Variants in FOXP1 observed in about 807,000 individuals in gnomAD.
FOXP1 encodes forkhead box protein P1.
In FOXP1, 15 loss-of-function variants were observed where a neutral mutation model predicts 98.2. That is an observed-to-expected ratio of 0.15 (90% CI 0.10 to 0.24). The LOEUF (loss-of-function observed/expected upper bound fraction) is 0.24. Ranked by LOEUF, FOXP1 falls within the 10% of genes least tolerant of loss-of-function variation. FOXP1 has a pLI of 1.00. For synonymous variants in FOXP1, 371 were observed against 314.5 expected (o/e 1.18, Z -1.90); for missense variants, 633 against 848.5 (o/e 0.75, Z 3.15).
chr3:71,029,282 G>A lies in FOXP1; in HGVS notation c.869+12046C>T, dbSNP rs375673037. Among the ~76,000 whole-genome samples the A allele has an allele frequency of 1.2e-4, 18 of 152,318 alleles. No homozygotes were observed. In the East Asian group the frequency reaches 1.5e-3, roughly 13 times the overall value. On this transcript the variant is annotated intron_variant, in intron 11 of 20. Transcript: ENST00000649528. ...TGCTGGGTGATGGGGATGTGGCAAT[G>A]GACAAGAGAGTTAAAACCTTTCCCT...
intron 4 of FOXP1, among the ~76,000 whole-genome samples, chr3:71,325,624 G>A (rs1452591256): frequency 6.6e-6 from 1 of 151,110 alleles, no homozygotes; most frequent in East Asian, 1.9e-4. Context: ...CATATTAAGG[G>A]CCTATAAAGA....
At chr3:71,307,417 C>A (rs970471744) in intron 4 of FOXP1, among the ~76,000 whole-genome samples, 3 of 152,312 alleles carry the variant, frequency 2.0e-5, no homozygotes, top group East Asian at 1.9e-4. Context: ...ACCCAAAACT[C>A]ATTTCAAACA....
intron 1 of FOXP1, chr3:71,582,129 C>T: frequency 1.0e-6 from 1 of 984,024 alleles, no homozygotes; most frequent in South Asian, 4.7e-5. Flanking sequence ...GGGGGGCATG[C>T]GACTTTGTTT....
intron 12 of FOXP1, among the ~76,000 whole-genome samples, chr3:71,010,798 C>T (rs981973628): frequency 6.6e-6 from 1 of 151,988 alleles, no homozygotes; most frequent in Non-Finnish European, 1.5e-5. Flanking sequence ...GAGCAAAGTA[C>T]TTGATGCATC....
chr3:71,042,739 A>G lies in FOXP1; in HGVS notation c.665-1207T>C, dbSNP rs183602158. Among the ~76,000 whole-genome samples the G allele has an allele frequency of 2.4e-3, 360 of 152,294 alleles. 13 individuals are homozygous for G. Among genetic ancestry groups the G allele is most frequent in the Admixed American group, 0.023 (349 of 15,274 alleles). ...CTTACCAAACCTAAGGTATCGAATT[A>G]AAAAAGAAGGCTGTGTGCATTATAT... On this transcript the variant is annotated intron_variant, in intron 10 of 20. Coordinates refer to ENST00000649528, the MANE Select transcript of FOXP1 (RefSeq NM_001349338.3).
chr3:71,229,204 G>A (rs2066087438), intron 5 of FOXP1, among the ~76,000 whole-genome samples: 1 of 152,052 alleles, frequency 6.6e-6, no homozygotes, highest in Admixed American at 6.5e-5. Flanking sequence ...TTGCAGACAG[G>A]TAGCCATAAT....
chr3:71,535,166 C>G (rs1451239077), intron 2 of FOXP1, among the ~76,000 whole-genome samples: 1 of 152,180 alleles, frequency 6.6e-6, no homozygotes. Context: ...ATCCCACATG[C>G]CCCACAAACC....
At chr3:71,269,620 A>G (rs1301976103) in intron 5 of FOXP1, among the ~76,000 whole-genome samples, 1 of 152,206 alleles carries the variant, frequency 6.6e-6, no homozygotes, top group Non-Finnish European at 1.5e-5. Flanking sequence ...TAAGTAAATC[A>G]AAGCTTTGAT....
intron 3 of FOXP1, among the ~76,000 whole-genome samples, chr3:71,373,847 G>C (rs1027616914): frequency 6.6e-6 from 1 of 152,182 alleles, no homozygotes; most frequent in African/African-American, 2.4e-5. Context: ...CAAATGCTCT[G>C]ACAGCTGTCT....
At chr3:71,277,108 G>T (rs1252617632) in intron 5 of FOXP1, among the ~76,000 whole-genome samples, 1 of 151,568 alleles carries the variant, frequency 6.6e-6, no homozygotes, top group African/African-American at 2.4e-5. Context: ...ACAGGCGCCC[G>T]CCACCACGCC....
At chr3:71,144,423 A>G (rs1406024837) in intron 6 of FOXP1, among the ~76,000 whole-genome samples, 23 of 152,302 alleles carry the variant, frequency 1.5e-4, no homozygotes. Context: ...GAAATGTCCA[A>G]GACTGGGTGT....
At chr3:71,165,057 T>G (rs1465871662) in intron 6 of FOXP1, among the ~76,000 whole-genome samples, 2 of 152,142 alleles carry the variant, frequency 1.3e-5, no homozygotes, top group Admixed American at 6.5e-5. Context: ...TTCAGGCATT[T>G]AAACGGAAAG....
At chr3:71,281,768 GGATGGCAAT>G (rs2071592437) in intron 5 of FOXP1, among the ~76,000 whole-genome samples, 1 of 152,164 alleles carries the variant, frequency 6.6e-6, no homozygotes, top group South Asian at 2.1e-4. Flanking sequence ...AGGAACATCT[GGATGGCAAT>G]GGCTTGGCCT....
intron 18 of FOXP1, chr3:70,972,018 C>A: frequency 7.0e-7 from 1 of 1,433,172 alleles, no homozygotes; most frequent in Non-Finnish European, 9.1e-7. Context: ...TACTGTGCGA[C>A]AAGCTCGTCA....
chr3:71,397,620 C>T (rs978955071), intron 3 of FOXP1, among the ~76,000 whole-genome samples: 4 of 152,164 alleles, frequency 2.6e-5, no homozygotes, highest in Non-Finnish European at 4.4e-5. Flanking sequence ...GTCAAGTCTA[C>T]AAGAGCTATC....
At chr3:71,367,452 G>A (rs2079000278) in intron 3 of FOXP1, among the ~76,000 whole-genome samples, 1 of 152,114 alleles carries the variant, frequency 6.6e-6, no homozygotes, top group Non-Finnish European at 1.5e-5. Context: ...GACCCCTGTT[G>A]ACCTCTCTGG....
intron 11 of FOXP1, among the ~76,000 whole-genome samples, chr3:71,029,618 T>C (rs2046594128): frequency 6.6e-6 from 1 of 152,196 alleles, no homozygotes; most frequent in Non-Finnish European, 1.5e-5. Context: ...CTCAAACTCC[T>C]GGCCTCAAGT....
At chr3:71,213,184 G>A (rs73108266) in intron 5 of FOXP1, among the ~76,000 whole-genome samples, 17,248 of 152,170 alleles carry the variant, frequency 0.11, 1,374 homozygotes, top group Middle Eastern at 0.28. Context: ...GGAAACACAC[G>A]GTGTGTTTTA....
intron 2 of FOXP1, among the ~76,000 whole-genome samples, chr3:71,577,780 C>T (rs999626560): frequency 1.3e-5 from 2 of 151,578 alleles, no homozygotes; most frequent in African/African-American, 2.4e-5. Flanking sequence ...GACTAACTAC[C>T]ATCAACTTAA....
Sources: gnomAD v4.1 joint callset for allele counts (sites outside exome capture counted in the v4.1 genomes callset) on GRCh38, gnomAD v4.1.1 for gene constraint, MANE v1.5 for transcripts, NCBI Gene and HGNC (gene_info 2026-07-23, HGNC 2026-07-21) for gene names.